Variants in MACC1 observed in about 807,000 individuals in gnomAD.
MACC1 encodes the protein metastasis-associated in colon cancer protein 1.
A neutral mutation model predicts 70.7 loss-of-function variants in MACC1; 79 were observed. The observed-to-expected ratio is 1.12, with a 90% CI of 0.93 to 1.35. The LOEUF (loss-of-function observed/expected upper bound fraction) is 1.35. Ranked by LOEUF, MACC1 falls within the 40% of genes most tolerant of loss-of-function variation. MACC1 has a pLI of 0.00. For missense variants in MACC1, 1,106 were observed against 978.1 expected (o/e 1.13, Z -1.74); for synonymous variants, 361 against 347.2 (o/e 1.04, Z -0.44).
In MACC1 at chr7:20,159,336, T is replaced by C. The variant is rs758651210; in HGVS notation, c.1025A>G (p.Gln342Arg). Residue 342 changes from glutamine to arginine, a missense_variant, in exon 5 of 7, where the codon CAG becomes CGG. By Grantham distance (43) the Gln-to-Arg change is conservative (BLOSUM62 1). Coordinates refer to ENST00000400331, the MANE Select transcript of MACC1 (RefSeq NM_182762.4). ...TGCAGCAACCACTAGATACATTACCTGACTCAAGTCGATTAGCTTGACTTG... is the reference window on the plus strand; with the variant it reads ...TGCAGCAACCACTAGATACATTACCCGACTCAAGTCGATTAGCTTGACTTG... Reference protein sequence around the residue: ...TIQVKLIDLSQVMYLVVAAQA... With the variant: ...TIQVKLIDLSRVMYLVVAAQA... 1.9e-6 allele frequency: 3 copies of C among 1,614,016 alleles called. No homozygotes were observed. Among genetic ancestry groups the C allele is most frequent in the African/African-American group, 2.7e-5 (2 of 74,938 alleles).
Position 20,159,001 on chromosome 7 carries a change from C to A in MACC1, c.1360G>T (p.Glu454Ter), listed in dbSNP as rs908438756. 1 of 1,613,976 alleles carries A rather than the reference C, an allele frequency of 6.2e-7. No individual in the cohort carries two copies. Among genetic ancestry groups the A allele is most frequent in the Non-Finnish European group, 8.5e-7 (1 of 1,179,996 alleles). ...FEVKTEGERKEIKQKQLEAGE... is the reference protein window; with the variant it reads ...FEVKTEGERK ...GCTTCCAACTGCTTTTGTTTAATTT[C>A]TTTCCTTTCTCCTTCTGTCTTTACT... Residue 454 changes from glutamate to a stop codon, truncating the protein, a stop_gained, in exon 5 of 7, where the codon GAA becomes TAA. Transcript: ENST00000400331. LOFTEE classifies it high-confidence loss of function.
intron 6 of MACC1, among the ~76,000 whole-genome samples, chr7:20,146,542 C>T (rs983802281): frequency 2.6e-5 from 4 of 152,090 alleles, no homozygotes; most frequent in Non-Finnish European, 5.9e-5. Flanking sequence ...GAATAAAATG[C>T]GTAGAATAAA....
intron 1 of MACC1, among the ~76,000 whole-genome samples, chr7:20,181,166 ATAGGACTGC>A (rs1310452868): frequency 6.6e-6 from 1 of 152,098 alleles, no homozygotes; most frequent in Non-Finnish European, 1.5e-5. Flanking sequence ...CATGAAAGAA[ATAGGACTGC>A]CAGCTAAAAC....
intron 1 of MACC1, among the ~76,000 whole-genome samples, chr7:20,187,533 C>T (rs1016737882): frequency 1.3e-5 from 2 of 152,178 alleles, no homozygotes; most frequent in African/African-American, 4.8e-5. Flanking sequence ...TCAGAGTGAC[C>T]TTCGTGCATG....
At position 20,159,149 on chromosome 7, in the gene MACC1, A is replaced by G. The variant is rs777008202; in HGVS notation, c.1212T>C (p.Asp404=). ...NYMPGQLTIS[D]IKKGGKNISP... ...ATATGTTTTTTCCACCCTTCTTAAT[A>G]TCAGAAATTGTAAGCTGTCCTGGCA... is the stretch of plus-strand genomic sequence containing the variant. The change falls in exon 5 of 7, where the codon GAT becomes GAC. Residue 404 remains aspartate (D), a synonymous_variant. Transcript: ENST00000400331. 1.7e-5 allele frequency: 27 copies of G among 1,613,890 alleles called. No homozygotes were observed. Among genetic ancestry groups the G allele is most frequent in the Non-Finnish European group, 2.3e-5 (27 of 1,180,006 alleles).
At chr7:20,183,624 G>T (rs145767772) in intron 1 of MACC1, among the ~76,000 whole-genome samples, 2 of 151,852 alleles carry the variant, frequency 1.3e-5, no homozygotes. Context: ...TCTCCACAAC[G>T]TATTTTTCTT....
chr7:20,153,265 T>C (rs1213859807), intron 6 of MACC1: 1 of 152,180 alleles, frequency 6.6e-6, no homozygotes, highest in Non-Finnish European at 1.5e-5. Flanking sequence ...CATGCAAAGG[T>C]GGTTTTGTCC....
chr7:20,144,474 A>C (rs1461306381), intron 6 of MACC1, among the ~76,000 whole-genome samples: 1 of 152,184 alleles, frequency 6.6e-6, no homozygotes, highest in South Asian at 2.1e-4. Context: ...TGATAGGTTA[A>C]TTTGATAAAC....
chr7:20,198,950 G>A (rs1423886873), intron 1 of MACC1, among the ~76,000 whole-genome samples: 1 of 152,186 alleles, frequency 6.6e-6, no homozygotes. Context: ...AGAGAGAAAG[G>A]CTTGTCTAAG....
chr7:20,183,307 G>A (rs781444216), intron 1 of MACC1, among the ~76,000 whole-genome samples: 2 of 152,196 alleles, frequency 1.3e-5, no homozygotes, highest in Non-Finnish European at 2.9e-5. Flanking sequence ...GCTGTAGTTG[G>A]CAAGAAAACA....
chr7:20,162,008 A>G, intron 3 of MACC1, 138 bp from the exon 4 acceptor site: 1 of 557,318 alleles, frequency 1.8e-6, no homozygotes, highest in South Asian at 2.3e-5. Context: ...TACTCCTGGT[A>G]GGATACTCGA....
chr7:20,145,631 T>C (rs1287551308), intron 6 of MACC1, among the ~76,000 whole-genome samples: 1 of 152,138 alleles, frequency 6.6e-6, no homozygotes, highest in Non-Finnish European at 1.5e-5. Context: ...TTAAGGTTAA[T>C]GAGGCTTAAA....
rs117611830 is a variant in MACC1, at chr7:20,155,182, C to T, written c.2158-801G>A. On this transcript the variant is annotated intron_variant, in intron 5 of 6. Transcript: ENST00000400331. The stretch of plus-strand genomic sequence containing the variant: ...AATATGGGATTACATCTATCTATAC[C>T]TCTTCTTTGTTCAAATGAGCAAATA... Among the ~76,000 whole-genome samples the T allele has an allele frequency of 8.1e-3, 1,231 of 152,150 alleles. 27 individuals carry two copies. Among genetic ancestry groups the T allele is most frequent in the Admixed American group, 0.038 (585 of 15,274 alleles).
intron 1 of MACC1, among the ~76,000 whole-genome samples, chr7:20,183,710 C>CAT (rs1554290513): frequency 1.4e-5 from 2 of 140,564 alleles, no homozygotes; most frequent in Non-Finnish European, 3.1e-5. Context: ...CTGATTCTAA[C>CAT]TTTTTTTTTT....
chr7:20,212,984 T>G (rs1043532917), intron 1 of MACC1, among the ~76,000 whole-genome samples: 1 of 152,160 alleles, frequency 6.6e-6, no homozygotes, highest in Non-Finnish European at 1.5e-5. Flanking sequence ...AGAAGCTGTA[T>G]GGTCATGTTT....
chr7:20,154,321 G>C lies in MACC1; in HGVS notation c.2218C>G (p.Leu740Val). 8 of 1,613,910 alleles carry C rather than the reference G, an allele frequency of 5.0e-6. No homozygotes were observed. The highest frequency in any genetic ancestry group is 6.8e-6 in the Non-Finnish European group (8 of 1,179,926). ...TTTCCAAGCTTGACAGCTGAAGTCA[G>C]AACAGCAGCTTCTTGGATGAGACGT... ...VARLIQEAAVLTSAVKLGKGW... is the reference protein window; with the variant it reads ...VARLIQEAAVVTSAVKLGKGW... The change falls in exon 6 of 7, where the codon CTG becomes GTG. Residue 740 changes from leucine to valine, a missense_variant. Physicochemically the swap from Leu to Val is conservative, Grantham distance 32. Transcript: ENST00000400331.
intron 2 of MACC1, among the ~76,000 whole-genome samples, chr7:20,169,092 C>T (rs917671452): frequency 6.6e-6 from 1 of 152,188 alleles, no homozygotes; most frequent in Non-Finnish European, 1.5e-5. Context: ...GCATACATTT[C>T]CAACTTTCAA....
At chr7:20,201,492 G>A (rs545148383) in intron 1 of MACC1, among the ~76,000 whole-genome samples, 3 of 152,130 alleles carry the variant, frequency 2.0e-5, no homozygotes, top group Non-Finnish European at 2.9e-5. Context: ...GGGGCAAGAG[G>A]GAAGGATGCA....
chr7:20,189,878 C>T (rs1163756110), intron 1 of MACC1, among the ~76,000 whole-genome samples: 1 of 152,004 alleles, frequency 6.6e-6, no homozygotes, highest in Non-Finnish European at 1.5e-5. Context: ...ACATTTTTTT[C>T]TCACCATTTT....
Sources: gnomAD v4.1 joint callset for allele counts (sites outside exome capture counted in the v4.1 genomes callset) on GRCh38, gnomAD v4.1.1 for gene constraint, MANE v1.5 for transcripts, NCBI Gene and HGNC (gene_info 2026-07-23, HGNC 2026-07-21) for gene names.